TMEM117: variants seen among roughly 807,000 people sequenced by gnomAD.
TMEM117 encodes transmembrane protein 117.
TMEM117 carries 27 observed loss-of-function variants against 52.4 expected under a neutral mutation model. The observed-to-expected ratio is 0.51, with a 90% confidence interval of 0.38 to 0.71. The LOEUF (loss-of-function observed/expected upper bound fraction) is 0.71. Ranked by LOEUF, TMEM117 falls within the 30% of genes least tolerant of loss-of-function variation. The pLI is 0.00. For synonymous variants in TMEM117, 215 were observed against 206.3 expected (o/e 1.04, Z -0.36); for missense variants, 556 against 630.5 (o/e 0.88, Z 1.26).
the TMEM117 span, among the ~76,000 whole-genome samples, chr12:43,827,493 C>T: frequency 6.6e-6 from 1 of 152,144 alleles, no homozygotes; most frequent in African/African-American, 2.4e-5. Context: ...AAAATAAAAA[C>T]CCAGTGCTGT....
At chr12:44,224,576 A>G (rs1481808561) in intron 5 of TMEM117, among the ~76,000 whole-genome samples, 2 of 151,860 alleles carry the variant, frequency 1.3e-5, no homozygotes, top group African/African-American at 4.8e-5. Context: ...TTAATATAAA[A>G]GGAAATTACC....
chr12:43,849,442 A>T lies in TMEM117; in HGVS notation c.277+4514A>T, dbSNP rs912139681. ...TATAAACAGGACATTTGGTTTTGTA[A>T]TTGCAACATTTTGTTAAATTATTCT... On this transcript the variant is annotated intron_variant, in intron 2 of 7. Coordinates refer to ENST00000266534, the MANE Select transcript of TMEM117 (RefSeq NM_032256.3). Among the ~76,000 whole-genome samples the T allele has an allele frequency of 2.0e-5, 3 of 152,322 alleles. No individual in the cohort carries two copies. In the East Asian group the frequency reaches 5.8e-4, roughly 29 times the overall value.
At chr12:44,349,114 T>C (rs1325022559) in intron 6 of TMEM117, among the ~76,000 whole-genome samples, 1 of 152,034 alleles carries the variant, frequency 6.6e-6, no homozygotes, top group African/African-American at 2.4e-5. Context: ...TTCAAACAAA[T>C]TGCATTTTTG....
intron 6 of TMEM117, among the ~76,000 whole-genome samples, chr12:44,348,679 G>A (rs898007813): frequency 1.3e-5 from 2 of 151,842 alleles, no homozygotes; most frequent in African/African-American, 4.8e-5. Flanking sequence ...AATGGGAAGG[G>A]CATTTTGTTT....
intron 3 of TMEM117, among the ~76,000 whole-genome samples, chr12:44,072,609 G>C (rs1477895124): frequency 6.6e-6 from 1 of 152,178 alleles, no homozygotes; most frequent in Admixed American, 6.5e-5. Context: ...AGGGAGCTCA[G>C]TCTGGTAATG....
chr12:43,811,883 T>G, the TMEM117 span, among the ~76,000 whole-genome samples: 1 of 152,244 alleles, frequency 6.6e-6, no homozygotes, highest in Non-Finnish European at 1.5e-5. Flanking sequence ...CAGCTAAATA[T>G]GCCTTGGTTA....
intron 3 of TMEM117, among the ~76,000 whole-genome samples, chr12:44,102,587 C>T (rs996554085): frequency 5.9e-5 from 9 of 151,936 alleles, no homozygotes; most frequent in African/African-American, 2.2e-4. Context: ...TTCCTGAATA[C>T]TTTTTCATTT....
intron 3 of TMEM117, among the ~76,000 whole-genome samples, chr12:43,972,508 TG>T (rs982425755): frequency 1.3e-5 from 2 of 152,224 alleles, no homozygotes; most frequent in Admixed American, 6.5e-5. Context: ...CGCTGGTGGC[TG>T]GGGTGGCCAG....
At chr12:44,268,286 C>A (rs1345776200) in intron 5 of TMEM117, among the ~76,000 whole-genome samples, 1 of 151,946 alleles carries the variant, frequency 6.6e-6, no homozygotes, top group Non-Finnish European at 1.5e-5. Context: ...TGCAGACATG[C>A]ACCGCCATGC....
the TMEM117 span, among the ~76,000 whole-genome samples, chr12:43,796,549 T>C: frequency 1.3e-5 from 2 of 152,264 alleles, no homozygotes; most frequent in South Asian, 2.1e-4. Flanking sequence ...TCAGTCATAA[T>C]GGAGACTGTA....
At chr12:43,963,657 G>A (rs1006148061) in intron 3 of TMEM117, among the ~76,000 whole-genome samples, 3 of 152,194 alleles carry the variant, frequency 2.0e-5, no homozygotes, top group Non-Finnish European at 2.9e-5. Flanking sequence ...CATACAATGA[G>A]TGATGATGGC....
chr12:43,866,496 G>A (rs1943602201), intron 2 of TMEM117, among the ~76,000 whole-genome samples: 1 of 149,208 alleles, frequency 6.7e-6, no homozygotes, highest in Non-Finnish European at 1.5e-5. Flanking sequence ...GATTACCAGA[G>A]CCTGGGAGGT....
intron 1 of TMEM117, among the ~76,000 whole-genome samples, chr12:43,838,457 T>C (rs981724330): frequency 6.6e-6 from 1 of 151,948 alleles, no homozygotes; most frequent in African/African-American, 2.4e-5. Context: ...ATTTGGTTTT[T>C]CACCTTTCTT....
chr12:43,885,143 A>G (rs1208815830), intron 2 of TMEM117, among the ~76,000 whole-genome samples: 1 of 152,184 alleles, frequency 6.6e-6, no homozygotes, highest in Non-Finnish European at 1.5e-5. Flanking sequence ...CAAGCCAATA[A>G]ACACTTCATG....
At chr12:43,802,382 C>T in the TMEM117 span, 1 of 1,606,650 alleles carries the variant, frequency 6.2e-7, no homozygotes, top group Non-Finnish European at 8.5e-7. Flanking sequence ...GTTGTTTGTC[C>T]TCCAACAGGG....
At chr12:44,210,215 T>G (rs1282976602) in intron 4 of TMEM117, among the ~76,000 whole-genome samples, 2 of 152,234 alleles carry the variant, frequency 1.3e-5, no homozygotes, top group African/African-American at 4.8e-5. Context: ...GGTGTTCTCT[T>G]CTCTTGAAGG....
intron 6 of TMEM117, among the ~76,000 whole-genome samples, chr12:44,315,897 G>A: frequency 6.6e-6 from 1 of 152,030 alleles, no homozygotes; most frequent in African/African-American, 2.4e-5. Context: ...AGCAACCCCT[G>A]TTCTTTTTTG....
chr12:44,048,203 C>G (rs898665447), intron 3 of TMEM117, among the ~76,000 whole-genome samples: 3 of 152,120 alleles, frequency 2.0e-5, no homozygotes, highest in African/African-American at 7.2e-5. Flanking sequence ...TGATGTCCCT[C>G]TTTCATTTCT....
chr12:44,055,264 A>G (rs932759965), intron 3 of TMEM117, among the ~76,000 whole-genome samples: 1 of 152,228 alleles, frequency 6.6e-6, no homozygotes, highest in Admixed American at 6.5e-5. Flanking sequence ...AATTGTATCA[A>G]ATAAAAATTT....
Sources: gnomAD v4.1 joint callset for allele counts (sites outside exome capture counted in the v4.1 genomes callset) on GRCh38, gnomAD v4.1.1 for gene constraint, MANE v1.5 for transcripts, NCBI Gene and HGNC (gene_info 2026-07-23, HGNC 2026-07-21) for gene names.